Variants in ARHGAP22 observed in about 807,000 individuals in gnomAD.
The protein encoded by ARHGAP22 is rho GTPase-activating protein 22.
Under a neutral mutation model 59.1 loss-of-function variants are expected in ARHGAP22, and 48 were observed. The observed-to-expected ratio is 0.81, with a 90% confidence interval of 0.64 to 1.03. The LOEUF is 1.03. Among genes scored for constraint, ARHGAP22 ranks in the 50% least tolerant of loss-of-function variants. The probability of loss-of-function intolerance (pLI) is 0.00; values close to 1 mark genes in which losing one functional copy is unlikely to be tolerated. For synonymous variants in ARHGAP22, 445 were observed against 416.4 expected (o/e 1.07, Z -0.84); for missense variants, 1,015 against 958.7 (o/e 1.06, Z -0.78).
At chr10:48,561,204 T>C (rs1490580678) in intron 2 of ARHGAP22, among the ~76,000 whole-genome samples, 1 of 152,108 alleles carries the variant, frequency 6.6e-6, no homozygotes, top group Admixed American at 6.5e-5. Flanking sequence ...TATCTATCTG[T>C]CTCCATATAT....
chr10:48,542,274 G>A (rs2056028987), intron 3 of ARHGAP22, among the ~76,000 whole-genome samples: 1 of 152,178 alleles, frequency 6.6e-6, no homozygotes, highest in Non-Finnish European at 1.5e-5. Flanking sequence ...TTTAAATTCA[G>A]AAACTCATTG....
At chr10:48,444,301 T>C (rs2045272381), downstream of ARHGAP22, 1 of 151,456 alleles carries the variant, frequency 6.6e-6, no homozygotes, top group African/African-American at 2.4e-5. Flanking sequence ...TTGAGAGAAG[T>C]GGGTAGTGGT....
rs1178377684 is a variant in ARHGAP22, at chr10:48,550,934, A to G, written c.322+4529T>C. On this transcript the variant is annotated intron_variant, in intron 3 of 9. Transcript: ENST00000249601. ...TAACAGTCTCATTAAGGATCTCTCC[A>G]ATCCTTAATTCTGTTCCCTCACATC... Among the ~76,000 whole-genome samples, 3 of 152,116 alleles carry G rather than the reference A, an allele frequency of 2.0e-5. No homozygotes were observed. The East Asian group carries it at 5.8e-4, about 29-fold the overall frequency.
At chr10:48,578,524 A>ATGTGTG (rs3076347) in intron 2 of ARHGAP22, among the ~76,000 whole-genome samples, 8 of 150,070 alleles carry the variant, frequency 5.3e-5, no homozygotes, top group African/African-American at 1.7e-4. Context: ...TATGCAGTGT[A>ATGTGTG]TGTGTGTGTG....
rs574020767 is a variant in ARHGAP22, at chr10:48,479,640, G to A, written c.447C>T (p.Gly149=). Residue 149 remains glycine, a synonymous_variant, in exon 4 of 10, where the codon GGC becomes GGT. Coordinates refer to ENST00000249601, the MANE Select transcript of ARHGAP22 (RefSeq NM_021226.4). The part of the protein sequence containing the change: ...AIRRVIWAPL[G]GGIFGQRLEE... Reference sequence around the variant, plus strand: ...CATGCGATCTACGGGCAGTACCTCCGCCCAGCGGGGCCCAGATGACTCGGC... The same window carrying A: ...CATGCGATCTACGGGCAGTACCTCCACCCAGCGGGGCCCAGATGACTCGGC... The A allele has an allele frequency of 3.1e-5, 50 of 1,613,740 alleles. No individual in the cohort carries two copies. Among genetic ancestry groups the A allele is most frequent in the African/African-American group, 1.2e-4 (9 of 75,056 alleles).
Position 48,455,027 on chromosome 10 carries a change from T to C in ARHGAP22, c.767A>G (p.Gln256Arg), listed in dbSNP as rs1166682191. The C allele has an allele frequency of 1.2e-6, 2 of 1,608,836 alleles. No individual in the cohort carries two copies. Among genetic ancestry groups the C allele is most frequent in the East Asian group, 4.5e-5 (2 of 44,800 alleles). ...CTCCCCCTCGTCCTTGGTGAGCAGC[T>C]GGGCGCAGCTGAGGAAGTCCTCGTA... ...ARYEDFLSCA[Q>R]LLTKDEGEGT... Residue 256 changes from glutamine (Q) to arginine (R), a missense_variant, in exon 6 of 10, where the codon CAG becomes CGG. Physicochemically the swap from Gln to Arg is conservative, Grantham distance 43. Transcript: ENST00000249601.
intron 3 of ARHGAP22, among the ~76,000 whole-genome samples, chr10:48,549,793 C>T (rs930495057): frequency 7.2e-5 from 11 of 152,154 alleles, no homozygotes; most frequent in African/African-American, 2.7e-4. Context: ...ATCTCATTCA[C>T]CCTTCCAGGA....
At chr10:48,535,970 C>G (rs1449149865) in intron 3 of ARHGAP22, among the ~76,000 whole-genome samples, 1 of 152,174 alleles carries the variant, frequency 6.6e-6, no homozygotes, top group African/African-American at 2.4e-5. Flanking sequence ...GAAAGGGGAG[C>G]ATGGGCGCTT....
At chr10:48,505,751 G>A (rs2052049693) in intron 3 of ARHGAP22, among the ~76,000 whole-genome samples, 1 of 152,202 alleles carries the variant, frequency 6.6e-6, no homozygotes, top group African/African-American at 2.4e-5. Context: ...GAGAGGGGTA[G>A]GCCAGGAGGG....
intron 1 of ARHGAP22, among the ~76,000 whole-genome samples, chr10:48,587,026 C>A (rs971461424): frequency 1.4e-4 from 21 of 152,242 alleles, no homozygotes. Context: ...TGCTGCACAG[C>A]CCTGGCTGCT....
chr10:48,490,758 G>A (rs912851380), intron 3 of ARHGAP22, among the ~76,000 whole-genome samples: 1 of 152,098 alleles, frequency 6.6e-6, no homozygotes, highest in African/African-American at 2.4e-5. Context: ...TGCTGTCCTC[G>A]TGCTGAGACA....
chr10:48,623,740 T>C (rs1050844447), intron 1 of ARHGAP22, among the ~76,000 whole-genome samples: 2 of 152,108 alleles, frequency 1.3e-5, no homozygotes, highest in South Asian at 4.2e-4. Flanking sequence ...CCAGGGCAGG[T>C]CTGGGGTTGG....
chr10:48,491,711 A>G (rs920294474), intron 3 of ARHGAP22, among the ~76,000 whole-genome samples: 2 of 152,240 alleles, frequency 1.3e-5, no homozygotes, highest in Non-Finnish European at 2.9e-5. Context: ...CGGGCATGAC[A>G]CTCACAGACT....
At chr10:48,538,940 G>T (rs1253039502) in intron 3 of ARHGAP22, among the ~76,000 whole-genome samples, 1 of 152,150 alleles carries the variant, frequency 6.6e-6, no homozygotes, top group African/African-American at 2.4e-5. Flanking sequence ...AAAAAATGTA[G>T]TTCCTGCCAA....
intron 3 of ARHGAP22, among the ~76,000 whole-genome samples, chr10:48,547,413 G>T (rs188647663): frequency 4.6e-5 from 7 of 152,230 alleles, no homozygotes; most frequent in Non-Finnish European, 7.3e-5. Flanking sequence ...TGGGGAGTTG[G>T]GGGGGAGGCC....
chr10:48,519,420 T>C (rs1444926166), intron 3 of ARHGAP22, among the ~76,000 whole-genome samples: 1 of 152,222 alleles, frequency 6.6e-6, no homozygotes, highest in Non-Finnish European at 1.5e-5. Flanking sequence ...CCAGAGCTCA[T>C]CTATTACAAT....
At chr10:48,580,029 GGAA>G (rs1391547919) in intron 2 of ARHGAP22, among the ~76,000 whole-genome samples, 1 of 152,144 alleles carries the variant, frequency 6.6e-6, no homozygotes, top group Non-Finnish European at 1.5e-5. Context: ...GGGGGAAATG[GGAA>G]GAAGTTTTAT....
At chr10:48,443,116 A>G (rs531747945), downstream of ARHGAP22, among the ~76,000 whole-genome samples, 5 of 152,086 alleles carry the variant, frequency 3.3e-5, no homozygotes, top group African/African-American at 9.6e-5. Flanking sequence ...CATGTTTGGC[A>G]TTTTTCAGGA....
intron 3 of ARHGAP22, among the ~76,000 whole-genome samples, chr10:48,492,700 C>T (rs1342701753): frequency 6.6e-6 from 1 of 151,930 alleles, no homozygotes; most frequent in Non-Finnish European, 1.5e-5. Flanking sequence ...ATTATGGGTA[C>T]CTACCACCAC....
Sources: allele counts gnomAD v4.1 joint callset (sites outside exome capture counted in the v4.1 genomes callset), GRCh38; gene constraint gnomAD v4.1.1; transcripts MANE v1.5; gene names NCBI Gene and HGNC (gene_info 2026-07-23, HGNC 2026-07-21).